FRRS1L: variants seen among roughly 807,000 people sequenced by gnomAD.
FRRS1L encodes ferric chelate reductase 1 like, also known as DOMON domain-containing protein FRRS1L.
In FRRS1L, 22 loss-of-function variants were observed where a neutral mutation model predicts 28.6. That is an observed-to-expected ratio of 0.77 (90% confidence interval 0.55 to 1.10). The LOEUF (loss-of-function observed/expected upper bound fraction) is 1.10. FRRS1L is among the 50% of genes least tolerant of loss of function. The pLI, the probability that FRRS1L is intolerant of heterozygous loss-of-function variation, is 0.00. For missense variants in FRRS1L, 380 were observed against 386.9 expected (o/e 0.98, Z 0.15); for synonymous variants, 158 against 151.4 (o/e 1.04, Z -0.32).
At chr9:109,137,697 A>T (rs1831132915) in intron 4 of FRRS1L, 70 bp from the exon 5 acceptor site, 1 of 996,762 alleles carries the variant, frequency 1.0e-6, no homozygotes. Context: ...TAGGCAAACA[A>T]TGGAAAAATC....
In FRRS1L at chr9:109,141,451, G is replaced by A. The variant is rs764520399; in HGVS notation, c.601C>T (p.Arg201Cys). Residue 201 changes from arginine to cysteine, a missense_variant, in exon 4 of 5, where the codon CGC becomes TGC. By Grantham distance (180) the Arg-to-Cys change is radical. Transcript: ENST00000561981. ...GGGCGTTTAAATCTGCAGGTGACGC[G>A]ATTGTTCTCAAAAACTCCTTCTTCA... ...RDEEGVFENN[R>C]VTCRFKRPVN... 32 of 1,613,972 alleles carry A rather than the reference G, an allele frequency of 2.0e-5. No homozygotes were observed. Among genetic ancestry groups the A allele is most frequent in the Non-Finnish European group, 2.5e-5 (29 of 1,180,022 alleles).
In FRRS1L at chr9:109,134,563, A is replaced by G. The variant is rs527785250; in HGVS notation, c.*2892T>C. The stretch of plus-strand genomic sequence containing the variant: ...GACATAGCAAGTGAGGAGGAGTGGC[A>G]AAAGATGATATTGCAGGTCACAGAA... On this transcript the variant is annotated 3_prime_UTR_variant, in exon 5 of 5. Coordinates refer to ENST00000561981, the MANE Select transcript of FRRS1L (RefSeq NM_014334.4). 1.3e-5 allele frequency: 2 copies of G among 152,342 alleles called. No individual in the cohort carries two copies. Among genetic ancestry groups the G allele is most frequent in the South Asian group, 4.1e-4 (2 of 4,820 alleles). 9.4% of individuals were successfully genotyped at this position (152,342 alleles called of 1,614,324 possible).
At chr9:109,143,169 G>T (rs1831210303) in intron 3 of FRRS1L, among the ~76,000 whole-genome samples, 1 of 151,808 alleles carries the variant, frequency 6.6e-6, no homozygotes, top group Non-Finnish European at 1.5e-5. Flanking sequence ...ACAAAAATTA[G>T]CTAGGTGTGG....
intron 1 of FRRS1L, among the ~76,000 whole-genome samples, chr9:109,162,759 G>A (rs1022368394): frequency 1.3e-5 from 2 of 152,184 alleles, no homozygotes; most frequent in African/African-American, 2.4e-5. Context: ...TCCACATACC[G>A]TCCAAGGTAG....
chr9:109,165,175 T>C (rs186643430), intron 1 of FRRS1L, among the ~76,000 whole-genome samples: 83 of 152,372 alleles, frequency 5.4e-4, no homozygotes, highest in African/African-American at 1.8e-3. Context: ...TTTATTCTTT[T>C]CCAGAGTGAC....
chr9:109,163,393 C>T (rs1333399879), intron 1 of FRRS1L, among the ~76,000 whole-genome samples: 9 of 152,228 alleles, frequency 5.9e-5, no homozygotes, highest in Non-Finnish European at 1.0e-4. Flanking sequence ...GGGAAGGCTT[C>T]CTGAAAGAGG....
chr9:109,139,132 G>GC, intron 4 of FRRS1L: 1 of 152,250 alleles, frequency 6.6e-6, no homozygotes, highest in African/African-American at 2.4e-5. Flanking sequence ...CTGGGAGGCT[G>GC]AGGTTGCAGT....
At position 109,130,616 on chromosome 9, in the gene FRRS1L, A is replaced by G. The variant is rs1302716617; in HGVS notation, c.*6839T>C. ...CAAACATTAGGTACACAATTGTTAT[A>G]AAACAAATATAACCTATCAATGTCT... On this transcript the variant is annotated 3_prime_UTR_variant, in exon 5 of 5. Coordinates refer to ENST00000561981, the MANE Select transcript of FRRS1L (RefSeq NM_014334.4). 6.6e-6 allele frequency: 1 copy of G among 152,236 alleles called. No homozygotes were observed. Among genetic ancestry groups the G allele is most frequent in the East Asian group, 1.9e-4 (1 of 5,202 alleles). 9.4% of individuals were successfully genotyped at this position (152,236 alleles called of 1,614,324 possible). A position where few individuals can be genotyped will look rare whatever the true frequency, so the allele number is the denominator to read the frequency against.
At chr9:109,159,722 A>T (rs556153633) in intron 1 of FRRS1L, among the ~76,000 whole-genome samples, 1 of 152,330 alleles carries the variant, frequency 6.6e-6, no homozygotes, top group Admixed American at 6.5e-5. Flanking sequence ...ATTGCCCTCC[A>T]TAATGCAAGT....
chr9:109,158,705 T>C (rs1031521341), intron 1 of FRRS1L, among the ~76,000 whole-genome samples: 14 of 152,268 alleles, frequency 9.2e-5, no homozygotes, highest in Middle Eastern at 3.2e-3. Context: ...TTCCATTGTA[T>C]GGATCAACCA....
At chr9:109,156,437 G>A (rs1027513078) in intron 1 of FRRS1L, among the ~76,000 whole-genome samples, 1 of 152,140 alleles carries the variant, frequency 6.6e-6, no homozygotes, top group African/African-American at 2.4e-5. Flanking sequence ...TGCCCAGGCT[G>A]GAGTGCAGTG....
At chr9:109,146,419 G>A (rs1261087521) in intron 3 of FRRS1L, among the ~76,000 whole-genome samples, 1 of 151,998 alleles carries the variant, frequency 6.6e-6, no homozygotes, top group Non-Finnish European at 1.5e-5. Context: ...CTTAACCTGT[G>A]GGATCTAATG....
At chr9:109,158,644 T>C (rs780654434) in intron 1 of FRRS1L, among the ~76,000 whole-genome samples, 7 of 152,238 alleles carry the variant, frequency 4.6e-5, no homozygotes, top group South Asian at 2.1e-4. Flanking sequence ...TCAAGGTTCA[T>C]TACATGGTAG....
chr9:109,163,642 C>CA (rs1227150719), intron 1 of FRRS1L, among the ~76,000 whole-genome samples: 2 of 152,274 alleles, frequency 1.3e-5, no homozygotes, highest in Middle Eastern at 3.4e-3. Context: ...GGCTCTCTCT[C>CA]AGTTTCAGTG....
intron 1 of FRRS1L, chr9:109,151,598 T>G (rs1831330840): frequency 4.1e-6 from 1 of 242,966 alleles, no homozygotes; most frequent in African/African-American, 2.3e-5. Flanking sequence ...GGGCTCCCAC[T>G]GATTCTACAT....
chr9:109,149,916 A>G (rs1356631920), intron 1 of FRRS1L, 196 bp from the exon 2 acceptor site: 9 of 554,132 alleles, frequency 1.6e-5, no homozygotes, highest in Non-Finnish European at 2.9e-5. Context: ...CTAATCTTGC[A>G]TGTGAACTGA....
intron 1 of FRRS1L, among the ~76,000 whole-genome samples, chr9:109,166,551 C>T (rs1425934951): frequency 6.6e-6 from 1 of 152,094 alleles, no homozygotes; most frequent in Non-Finnish European, 1.5e-5. Context: ...TAACCCAACC[C>T]CAGGCGGCAA....
At position 109,141,496 on chromosome 9, in the gene FRRS1L, G is replaced by C. The variant is rs894314771; in HGVS notation, c.556C>G (p.Gln186Glu). 10 of 1,614,086 alleles carry C rather than the reference G, an allele frequency of 6.2e-6. No individual in the cohort carries two copies. Among genetic ancestry groups the C allele is most frequent in the African/African-American group, 1.3e-5 (1 of 75,022 alleles). ...TCTTCATCTCTGGCAGGGTTTCTCTGAATCTCCTTTGCCCACTGGCCTACA... is the reference window on the plus strand; with the variant it reads ...TCTTCATCTCTGGCAGGGTTTCTCTCAATCTCCTTTGCCCACTGGCCTACA... ...YNVGQWAKEI[Q>E]RNPARDEEGV... The change falls in exon 4 of 5, where the codon CAG (glutamine) becomes GAG (glutamate). Residue 186 changes from glutamine (Q) to glutamate (E), a missense_variant. Gln to Glu is a conservative substitution (Grantham distance 29, BLOSUM62 2). Coordinates refer to ENST00000561981, the MANE Select transcript of FRRS1L (RefSeq NM_014334.4).
Position 109,133,874 on chromosome 9 carries a change from T to C in FRRS1L, c.*3581A>G, listed in dbSNP as rs1831083594. On this transcript the variant is annotated 3_prime_UTR_variant, in exon 5 of 5. Coordinates refer to ENST00000561981, the MANE Select transcript of FRRS1L (RefSeq NM_014334.4). The stretch of plus-strand genomic sequence containing the variant: ...CATAAAATAGAAGTTGATTCTCTTA[T>C]ATTTAAGTAGGGATGAATGAAACTG... 6.6e-6 allele frequency: 1 copy of C among 152,212 alleles called. No homozygotes were observed. The highest frequency in any genetic ancestry group is 2.4e-5 in the African/African-American group (1 of 41,450). 9.4% of individuals were successfully genotyped at this position (152,212 alleles called of 1,614,324 possible). A position where few individuals can be genotyped will look rare whatever the true frequency, so the allele number is the denominator to read the frequency against.
Sources: gnomAD v4.1 joint callset for allele counts (sites outside exome capture counted in the v4.1 genomes callset) on GRCh38, gnomAD v4.1.1 for gene constraint, MANE v1.5 for transcripts, NCBI Gene and HGNC (gene_info 2026-07-23, HGNC 2026-07-21) for gene names.